The following EPHA3 variants were observed in gnomAD, a reference collection of about 807,000 sequenced individuals.
The protein encoded by EPHA3 is ephrin type-A receptor 3.
Under a neutral mutation model 107.1 loss-of-function variants are expected in EPHA3, and 42 were observed. The ratio of observed to expected loss-of-function variants is 0.39; its 90% CI spans 0.31 to 0.51. The LOEUF (loss-of-function observed/expected upper bound fraction) is 0.51. EPHA3 is among the 20% of genes least tolerant of loss of function. The pLI is 0.78. For synonymous variants in EPHA3, 461 were observed against 424.8 expected, an observed-to-expected ratio of 1.09 and a Z score of -1.05; for missense variants, 1,183 against 1,211.2, an observed-to-expected ratio of 0.98 and a Z score of 0.35.
At position 89,448,233 on chromosome 3, in the gene EPHA3, T is replaced by G. The variant is rs190714951; in HGVS notation, c.2347-992T>G. Among the ~76,000 whole-genome samples the G allele has an allele frequency of 1.2e-3, 180 of 152,244 alleles. 3 individuals carry two copies. The East Asian group carries it at 0.031, about 26-fold the overall frequency. ...GCAGACACTGGCTACACACTCAACCTCCTGAATCAAAATTTTCATTTTACT... is the reference window on the plus strand; with the variant it reads ...GCAGACACTGGCTACACACTCAACCGCCTGAATCAAAATTTTCATTTTACT... On this transcript the variant is annotated intron_variant, in intron 13 of 16. Coordinates refer to ENST00000336596, the MANE Select transcript of EPHA3 (RefSeq NM_005233.6).
rs561869666 is a variant in EPHA3, at chr3:89,351,472, G to A, written c.1306+9382G>A. ...GTGAGGCAATGCCTCGCCCTGCTTC[G>A]GCTCGCGCACGGTGCGCGCACCCAC... On this transcript the variant is annotated intron_variant, in intron 5 of 16. Transcript: ENST00000336596. Among the ~76,000 whole-genome samples, 75 of 150,216 alleles carry A rather than the reference G, an allele frequency of 5.0e-4. 2 individuals are homozygous for A. The highest frequency in any genetic ancestry group is 9.1e-4 in the Non-Finnish European group (61 of 67,008).
chr3:89,142,815 C>A (rs1347807971), intron 2 of EPHA3, among the ~76,000 whole-genome samples: 1 of 151,352 alleles, frequency 6.6e-6, no homozygotes, highest in Non-Finnish European at 1.5e-5. Context: ...AGTGAGCCAT[C>A]AAATCTTTCA....
intron 10 of EPHA3, among the ~76,000 whole-genome samples, chr3:89,417,207 T>C (rs1016745583): frequency 2.6e-5 from 4 of 151,460 alleles, no homozygotes; most frequent in African/African-American, 4.8e-5. Context: ...CCCATAGAGA[T>C]AGGAAAAGAT....
intron 15 of EPHA3, among the ~76,000 whole-genome samples, chr3:89,456,992 A>C (rs1710110422): frequency 6.6e-6 from 1 of 152,242 alleles, no homozygotes; most frequent in African/African-American, 2.4e-5. Context: ...AATACCCCTC[A>C]GAACATGTAA....
chr3:89,413,419 A>G (rs1709192484), intron 10 of EPHA3, among the ~76,000 whole-genome samples, 153 bp downstream of exon 10: 1 of 151,792 alleles, frequency 6.6e-6, no homozygotes, highest in African/African-American at 2.4e-5. Flanking sequence ...AATGGAATGT[A>G]ATGAGTTCAA....
At chr3:89,204,648 C>A (rs2107169688) in intron 2 of EPHA3, among the ~76,000 whole-genome samples, 1 of 115,090 alleles carries the variant, frequency 8.7e-6, no homozygotes, top group African/African-American at 3.2e-5. Flanking sequence ...ACTTTTGAGA[C>A]CAGAATGGGC....
chr3:89,418,183 T>C (rs1709284787), intron 10 of EPHA3, among the ~76,000 whole-genome samples: 1 of 151,428 alleles, frequency 6.6e-6, no homozygotes, highest in East Asian at 1.9e-4. Flanking sequence ...AAATTAATCA[T>C]ATAATTAATT....
At chr3:89,134,225 A>T (rs59724928) in intron 2 of EPHA3, among the ~76,000 whole-genome samples, 18,121 of 125,252 alleles carry the variant, frequency 0.14, 1,112 homozygotes, top group South Asian at 0.2. Context: ...TTTTTTTTTT[A>T]AAAAAATTAT....
At chr3:89,218,431 C>CT (rs1164724037) in intron 3 of EPHA3, among the ~76,000 whole-genome samples, 1 of 151,840 alleles carries the variant, frequency 6.6e-6, no homozygotes, top group Non-Finnish European at 1.5e-5. Context: ...ATGATGGTTT[C>CT]CAGCTTCATC....
intron 2 of EPHA3, among the ~76,000 whole-genome samples, chr3:89,167,072 C>T (rs993485399): frequency 2.6e-5 from 4 of 152,052 alleles, no homozygotes; most frequent in Non-Finnish European, 5.9e-5. Flanking sequence ...TGATACATAT[C>T]CTCATGGTCT....
rs1707341360 is a variant in EPHA3 at position 89,120,005 on chromosome 3, T to G, written c.89-7204T>G. Among the ~76,000 whole-genome samples, 3 of 152,154 alleles carry G rather than the reference T, an allele frequency of 2.0e-5. No homozygotes were observed. In the South Asian group the frequency reaches 6.2e-4, roughly 32 times the overall value. On this transcript the variant is annotated intron_variant, in intron 1 of 16. Coordinates refer to ENST00000336596, the MANE Select transcript of EPHA3 (RefSeq NM_005233.6). ...AACAGTCAAACTCTGGCTGAACAGATAGCCTGTGCTATCTGGATGTCGATA... is the reference window on the plus strand; with the variant it reads ...AACAGTCAAACTCTGGCTGAACAGAGAGCCTGTGCTATCTGGATGTCGATA...
At chr3:89,421,670 G>A (rs1709355895) in intron 11 of EPHA3, among the ~76,000 whole-genome samples, 1 of 151,062 alleles carries the variant, frequency 6.6e-6, no homozygotes, top group African/African-American at 2.4e-5. Flanking sequence ...TCAGTGTTAT[G>A]AATTATGAAA....
intron 2 of EPHA3, among the ~76,000 whole-genome samples, chr3:89,164,450 A>G (rs1705019411): frequency 1.3e-5 from 2 of 152,206 alleles, no homozygotes; most frequent in African/African-American, 4.8e-5. Context: ...TGCTGGGATT[A>G]ACTGGAAATC....
intron 2 of EPHA3, among the ~76,000 whole-genome samples, chr3:89,163,857 C>T (rs1019231161): frequency 1.3e-5 from 2 of 152,152 alleles, no homozygotes; most frequent in Admixed American, 6.5e-5. Flanking sequence ...TCTAAAGTGA[C>T]TGTTTTCTCT....
rs185159060 is a variant in EPHA3 at position 89,141,583 on chromosome 3, T to C, written c.153+14310T>C. On this transcript the variant is annotated intron_variant, in intron 2 of 16. Transcript: ENST00000336596. ...TTATAGTTATGGATTGCCTTGCTAA[T>C]GGTGCTTGTCCAAAGATCACACTTT... Among the ~76,000 whole-genome samples, 1,292 of 151,758 alleles carry C rather than the reference T, an allele frequency of 8.5e-3. 9 individuals carry two copies. The highest frequency in any genetic ancestry group is 0.012 in the Non-Finnish European group (796 of 67,718).
intron 13 of EPHA3, among the ~76,000 whole-genome samples, chr3:89,442,201 TA>T (rs1559697932): frequency 6.6e-6 from 1 of 151,870 alleles, no homozygotes; most frequent in African/African-American, 2.4e-5. Context: ...AAATAAAACA[TA>T]AAAAAATTCC....
At chr3:89,371,879 C>T (rs1576342135) in intron 5 of EPHA3, among the ~76,000 whole-genome samples, 1 of 151,610 alleles carries the variant, frequency 6.6e-6, no homozygotes, top group East Asian at 1.9e-4. Flanking sequence ...TTCTAAATGA[C>T]TCAACATTTG....
intron 13 of EPHA3, among the ~76,000 whole-genome samples, chr3:89,431,770 T>A (rs1709574669): frequency 1.3e-5 from 2 of 152,188 alleles, no homozygotes; most frequent in Non-Finnish European, 2.9e-5. Context: ...TACCTATTTA[T>A]ACTGTAAAAA....
At chr3:89,457,773 G>T (rs570455756) in intron 15 of EPHA3, among the ~76,000 whole-genome samples, 156 of 152,304 alleles carry the variant, frequency 1.0e-3, no homozygotes, top group Non-Finnish European at 1.6e-3. Flanking sequence ...TCTAAAAAGG[G>T]CTGGAGATGA....
Sources: allele counts gnomAD v4.1 joint callset (sites outside exome capture counted in the v4.1 genomes callset), GRCh38; gene constraint gnomAD v4.1.1; transcripts MANE v1.5; gene names NCBI Gene and HGNC (gene_info 2026-07-23, HGNC 2026-07-21).